Variants in LRRC69 observed in about 807,000 individuals in gnomAD.
LRRC69 encodes the protein leucine rich repeat containing 69.
LRRC69 carries 42 observed loss-of-function variants against 37.8 expected under a neutral mutation model. The observed-to-expected ratio is 1.11, with a 90% confidence interval of 0.87 to 1.44. The LOEUF (loss-of-function observed/expected upper bound fraction) is 1.44. Among genes scored for constraint, LRRC69 ranks in the 40% most tolerant of loss-of-function variants. The probability of loss-of-function intolerance (pLI) is 0.00; values close to 1 mark genes in which losing one functional copy is unlikely to be tolerated. For missense variants in LRRC69, 357 were observed against 401.9 expected (o/e 0.89, Z 0.96); for synonymous variants, 141 against 143.1 (o/e 0.99, Z 0.11).
At chr8:91,127,601 C>CAA (rs554876868) in intron 3 of LRRC69, among the ~76,000 whole-genome samples, 34 of 66,560 alleles carry the variant, frequency 5.1e-4, no homozygotes, top group African/African-American at 7.9e-4. Context: ...TGTCATTAAC[C>CAA]AAAAAAAAAA....
At chr8:91,201,598 T>C (rs1266195809) in intron 7 of LRRC69, among the ~76,000 whole-genome samples, 1 of 152,184 alleles carries the variant, frequency 6.6e-6, no homozygotes, top group Non-Finnish European at 1.5e-5. Flanking sequence ...AAATTTGGCC[T>C]GGGGACCATA....
chr8:91,113,547 A>G (rs903677376), intron 1 of LRRC69, among the ~76,000 whole-genome samples: 1 of 152,060 alleles, frequency 6.6e-6, no homozygotes, highest in African/African-American at 2.4e-5. Context: ...CTCATATGGT[A>G]TACAAAAATC....
In LRRC69 at chr8:91,186,457, ACT is replaced by A. The variant is rs879384986; in HGVS notation, c.652-3064_652-3063del. 5.6e-3 allele frequency among the ~76,000 whole-genome samples: 856 copies of A among 152,276 alleles called. 4 individuals are homozygous for A. The highest frequency in any genetic ancestry group is 9.3e-3 in the Non-Finnish European group (633 of 68,016). ...TTAAAAGGGTATGGCATGAGTCATA[ACT>A]GTGAGATAAGATACAGGCCTGTCAT... On this transcript the variant is annotated intron_variant, in intron 5 of 7. Coordinates refer to ENST00000448384, the Ensembl canonical transcript of LRRC69.
At chr8:91,197,456 G>A (rs558732983) in intron 6 of LRRC69, among the ~76,000 whole-genome samples, 5 of 152,138 alleles carry the variant, frequency 3.3e-5, no homozygotes, top group South Asian at 2.1e-4. Flanking sequence ...CTGCCGCCTC[G>A]CAGTTTGATC....
intron 4 of LRRC69, 78 bp from the exon 5 acceptor site, chr8:91,135,590 T>C: frequency 3.2e-6 from 3 of 944,638 alleles, no homozygotes; most frequent in Non-Finnish European, 4.6e-6. Context: ...ATGTTGGAGC[T>C]TTAAAAAAAT....
chr8:91,160,307 T>G (rs972020699), intron 5 of LRRC69, among the ~76,000 whole-genome samples: 14 of 151,026 alleles, frequency 9.3e-5, no homozygotes, highest in East Asian at 3.9e-4. Flanking sequence ...TTTGTTTTTT[T>G]TTTTAAATAT....
intron 5 of LRRC69, among the ~76,000 whole-genome samples, chr8:91,146,224 T>C (rs756783079): frequency 6.6e-6 from 1 of 151,694 alleles, no homozygotes; most frequent in Admixed American, 6.6e-5. Flanking sequence ...AAGTACCTAA[T>C]GAAAGTAATT....
In LRRC69 at chr8:91,147,252, TATATATTATATATAAAC is replaced by T. The variant is rs1486553296; in HGVS notation, c.651+11535_651+11551del. On this transcript the variant is annotated intron_variant, in intron 5 of 7. Coordinates refer to ENST00000448384, the Ensembl canonical transcript of LRRC69. ...AGCTATATTATATATAAACATATAA[TATATATTATATATAAAC>T]ATATATTATATATAAACATATTATA... Among the ~76,000 whole-genome samples, 350 of 99,388 alleles carry T rather than the reference TATATATTATATATAAAC, an allele frequency of 3.5e-3. 4 individuals carry two copies. The highest frequency in any genetic ancestry group is 0.013 in the Middle Eastern group (3 of 226). The allele number at this position is 99,388 out of a possible 152,430, so 65.2% of individuals were successfully genotyped here.
At chr8:91,173,451 A>T (rs918470802) in intron 5 of LRRC69, among the ~76,000 whole-genome samples, 2 of 152,104 alleles carry the variant, frequency 1.3e-5, no homozygotes, top group African/African-American at 4.8e-5. Flanking sequence ...TTTAAAAGTT[A>T]TCCTCTTATC....
chr8:91,203,396 T>A (rs1410155542), intron 7 of LRRC69, among the ~76,000 whole-genome samples: 1 of 151,954 alleles, frequency 6.6e-6, no homozygotes, highest in Non-Finnish European at 1.5e-5. Context: ...CTATCTTTTT[T>A]TTTTTTTCTT....
intron 1 of LRRC69, among the ~76,000 whole-genome samples, chr8:91,108,782 C>T (rs1276276009): frequency 1.3e-5 from 2 of 151,902 alleles, no homozygotes; most frequent in African/African-American, 4.8e-5. Context: ...TAGTGTATTT[C>T]ATGTGTGGCC....
At chr8:91,140,042 C>T (rs1373167480) in intron 5 of LRRC69, among the ~76,000 whole-genome samples, 2 of 139,484 alleles carry the variant, frequency 1.4e-5, no homozygotes, top group African/African-American at 5.4e-5. Flanking sequence ...GAGCCAACAT[C>T]ATTGCACCAT....
chr8:91,151,528 T>A (rs984171272), intron 5 of LRRC69, among the ~76,000 whole-genome samples: 100 of 150,986 alleles, frequency 6.6e-4, no homozygotes, highest in Non-Finnish European at 1.1e-3. Flanking sequence ...CACATTTTTT[T>A]AATCCAGTCT....
At chr8:91,171,201 C>G (rs1431648367) in intron 5 of LRRC69, among the ~76,000 whole-genome samples, 7 of 151,980 alleles carry the variant, frequency 4.6e-5, no homozygotes, top group Non-Finnish European at 7.4e-5. Flanking sequence ...TCGTGTTTCT[C>G]AACCATTTTT....
intron 5 of LRRC69, among the ~76,000 whole-genome samples, chr8:91,153,990 G>A (rs1586250962): frequency 6.6e-6 from 1 of 151,756 alleles, no homozygotes; most frequent in Non-Finnish European, 1.5e-5. Context: ...AAGAAGAAAA[G>A]GGAGAAGAAT....
intron 1 of LRRC69, among the ~76,000 whole-genome samples, chr8:91,124,015 G>A (rs1236950098): frequency 3.9e-5 from 6 of 151,908 alleles, no homozygotes; most frequent in African/African-American, 7.2e-5. Flanking sequence ...GCAGTACCAG[G>A]CTGTGTACAT....
chr8:91,165,255 G>A (rs909884202), intron 5 of LRRC69, among the ~76,000 whole-genome samples: 7 of 151,640 alleles, frequency 4.6e-5, no homozygotes, highest in Non-Finnish European at 1.5e-5. Flanking sequence ...TTCAGGTGCG[G>A]TTTTATAGGA....
At chr8:91,110,164 CTCT>C in intron 1 of LRRC69, among the ~76,000 whole-genome samples, 1 of 151,982 alleles carries the variant, frequency 6.6e-6, no homozygotes, top group Admixed American at 6.6e-5. Context: ...TGAATATTTA[CTCT>C]TCTTAAGGAA....
At chr8:91,139,144 T>A (rs2130525133) in intron 5 of LRRC69, 1 of 152,066 alleles carries the variant, frequency 6.6e-6, no homozygotes, top group Non-Finnish European at 1.5e-5. Flanking sequence ...TCTTTTTTCC[T>A]TTCTTTTATT....
Sources: allele counts gnomAD v4.1 joint callset (sites outside exome capture counted in the v4.1 genomes callset), GRCh38; gene constraint gnomAD v4.1.1; transcripts MANE v1.5; gene names NCBI Gene and HGNC (gene_info 2026-07-23, HGNC 2026-07-21).